The following METTL8 variants were observed in gnomAD, a reference collection of about 807,000 sequenced individuals.
METTL8 encodes the protein tRNA N(3)-cytidine methyltransferase METTL8, mitochondrial.
A neutral mutation model predicts 48.7 loss-of-function variants in METTL8; 32 were observed. The ratio of observed to expected loss-of-function variants is 0.66; its 90% CI spans 0.50 to 0.88. The LOEUF is 0.88. Among genes scored for constraint, METTL8 ranks in the 40% least tolerant of loss-of-function variants. The pLI is 0.00. For synonymous variants in METTL8, 136 were observed against 157.1 expected, an observed-to-expected ratio of 0.87 and a Z score of 1.01; for missense variants, 464 against 474.4, an observed-to-expected ratio of 0.98 and a Z score of 0.20.
At chr2:171,401,615 A>C (rs1391754894) in intron 1 of METTL8, among the ~76,000 whole-genome samples, 1 of 152,186 alleles carries the variant, frequency 6.6e-6, no homozygotes, top group Non-Finnish European at 1.5e-5. Context: ...TATTTCTCTA[A>C]GGGATTTAAT....
intron 3 of METTL8, among the ~76,000 whole-genome samples, chr2:171,352,979 T>G (rs1168456899): frequency 1.2e-4 from 18 of 150,090 alleles, no homozygotes; most frequent in African/African-American, 2.5e-4. Context: ...TCAGTTCTGC[T>G]CTGATCTTAG....
intron 1 of METTL8, among the ~76,000 whole-genome samples, chr2:171,396,265 G>GAATAAATAAATAAATA (rs56295899): frequency 9.9e-5 from 15 of 151,104 alleles, no homozygotes; most frequent in Non-Finnish European, 1.8e-4. Context: ...CTGTCTCAAT[G>GAATAAATAAATAAATA]AATAAATAAA....
intron 1 of METTL8, among the ~76,000 whole-genome samples, chr2:171,393,407 C>CAA (rs10629650): frequency 0.29 from 29,927 of 104,084 alleles, 5,862 homozygotes; most frequent in Non-Finnish European, 0.32. Flanking sequence ...TATAAAAAAG[C>CAA]AAAAAAAAAA....
At chr2:171,431,732 C>T (rs2105690534) in intron 1 of METTL8, among the ~76,000 whole-genome samples, 1 of 152,318 alleles carries the variant, frequency 6.6e-6, no homozygotes, top group Admixed American at 6.5e-5. Context: ...GGGCGGGGGG[C>T]CAGGCCAGCC....
chr2:171,370,079 T>A (rs957576022), intron 2 of METTL8, among the ~76,000 whole-genome samples: 2 of 148,374 alleles, frequency 1.3e-5, no homozygotes, highest in Non-Finnish European at 3.0e-5. Context: ...AAAAAAAAAA[T>A]TATTCAATTT....
At chr2:171,343,295 C>G (rs1001996929) in intron 3 of METTL8, among the ~76,000 whole-genome samples, 1 of 151,918 alleles carries the variant, frequency 6.6e-6, no homozygotes. Flanking sequence ...CAAAATTAGC[C>G]GGGTGTGGTG....
At chr2:171,432,885 TATAAC>T (rs1325237563) in intron 1 of METTL8, 3 of 152,204 alleles carry the variant, frequency 2.0e-5, no homozygotes, top group African/African-American at 7.2e-5. Context: ...GTTAAGTTCC[TATAAC>T]ATATTTCTGG....
chr2:171,406,360 T>C (rs1445595158), intron 1 of METTL8, among the ~76,000 whole-genome samples: 2 of 152,220 alleles, frequency 1.3e-5, no homozygotes, highest in East Asian at 3.8e-4. Flanking sequence ...TTGAAAGCTA[T>C]ATTGGTCAGC....
chr2:171,362,615 G>A (rs920553937), intron 2 of METTL8, among the ~76,000 whole-genome samples: 162 of 147,510 alleles, frequency 1.1e-3, no homozygotes, highest in African/African-American at 4.0e-3. Flanking sequence ...AAATTGGTAT[G>A]CTGCAGTCTC....
At chr2:171,331,182 C>T (rs1355126154) in intron 6 of METTL8, among the ~76,000 whole-genome samples, 1 of 152,186 alleles carries the variant, frequency 6.6e-6, no homozygotes, top group East Asian at 1.9e-4. Flanking sequence ...GCAATCTTGG[C>T]TCACTGCAAC....
intron 1 of METTL8, among the ~76,000 whole-genome samples, chr2:171,397,667 A>G (rs754168518): frequency 6.6e-6 from 1 of 152,092 alleles, no homozygotes; most frequent in Non-Finnish European, 1.5e-5. Flanking sequence ...AAAACTGATA[A>G]ACTTCTGGCA....
At chr2:171,374,916 T>A in intron 2 of METTL8, 1 of 1,230,396 alleles carries the variant, frequency 8.1e-7, no homozygotes. Flanking sequence ...CTTCAGTCTT[T>A]AAGAACTCAG....
At chr2:171,327,329 T>C (rs1452871636) in intron 7 of METTL8, among the ~76,000 whole-genome samples, 4 of 152,238 alleles carry the variant, frequency 2.6e-5, no homozygotes, top group Admixed American at 2.6e-4. Context: ...CTCATATTAA[T>C]TCTGAGTGAC....
At chr2:171,341,145 T>C (rs1042873657) in intron 3 of METTL8, among the ~76,000 whole-genome samples, 2 of 151,286 alleles carry the variant, frequency 1.3e-5, no homozygotes, top group African/African-American at 4.9e-5. Context: ...CTGACCAACA[T>C]GGTGAAACCC....
intron 5 of METTL8, among the ~76,000 whole-genome samples, chr2:171,334,969 G>A (rs1395579196): frequency 6.6e-6 from 1 of 152,146 alleles, no homozygotes; most frequent in African/African-American, 2.4e-5. Flanking sequence ...ATAAATAAAT[G>A]ACATGCTAAA....
rs1198559186 is a variant in METTL8, at chr2:171,321,909, A to C, written c.*2263T>G. On this transcript the variant is annotated 3_prime_UTR_variant, in exon 10 of 10. Coordinates refer to ENST00000375258, the MANE Select transcript of METTL8 (RefSeq NM_001321154.2). ...TAATCTTAAAAACTTCATTTCTACA[A>C]AATGTGATTTGCAAGCCAACTTATG... 6.6e-6 allele frequency: 1 copy of C among 152,158 alleles called. No individual in the cohort carries two copies. The highest frequency in any genetic ancestry group is 1.5e-5 in the Non-Finnish European group (1 of 68,016). The allele number at this position is 152,158 out of a possible 1,614,324, so 9.4% of individuals were successfully genotyped here.
chr2:171,376,432 C>G (rs1336054151), intron 2 of METTL8, among the ~76,000 whole-genome samples: 2 of 151,980 alleles, frequency 1.3e-5, no homozygotes, highest in Non-Finnish European at 2.9e-5. Context: ...ATGATATAAT[C>G]ATATACCTAA....
chr2:171,382,682 T>C (rs1258260787), intron 2 of METTL8, among the ~76,000 whole-genome samples: 1 of 151,184 alleles, frequency 6.6e-6, no homozygotes, highest in Non-Finnish European at 1.5e-5. Context: ...GTAACAAACC[T>C]GCACATTCTG....
chr2:171,326,280 G>T, intron 7 of METTL8, 132 bp from the exon 8 acceptor site: 1 of 554,046 alleles, frequency 1.8e-6, no homozygotes. Context: ...AAACATAAGG[G>T]TAACAAAAAT....
Sources: allele counts gnomAD v4.1 joint callset (sites outside exome capture counted in the v4.1 genomes callset), GRCh38; gene constraint gnomAD v4.1.1; transcripts MANE v1.5; gene names NCBI Gene and HGNC (gene_info 2026-07-23, HGNC 2026-07-21).